Variants in SHANK2 observed in about 807,000 individuals in gnomAD.
SHANK2 encodes the protein SH3 and multiple ankyrin repeat domains 2.
In SHANK2, 43 loss-of-function variants were observed where a neutral mutation model predicts 133.7. That is an observed-to-expected ratio of 0.32 (90% CI 0.25 to 0.41). The LOEUF is 0.41. SHANK2 is among the 10% of genes least tolerant of loss of function. The probability of loss-of-function intolerance (pLI) is 1.00; values close to 1 mark genes in which losing one functional copy is unlikely to be tolerated. For synonymous variants in SHANK2, 1,017 were observed against 952.8 expected (o/e 1.07, Z -1.24); for missense variants, 1,994 against 2,235.8 (o/e 0.89, Z 2.18).
chr11:71,237,924 A>G (rs1555123929), intron 1 of SHANK2, among the ~76,000 whole-genome samples: 1 of 152,226 alleles, frequency 6.6e-6, no homozygotes, highest in Non-Finnish European at 1.5e-5. Flanking sequence ...GGGGTGTGGT[A>G]GAGCAGCCCA....
chr11:70,608,119 G>A (rs1244789607), intron 17 of SHANK2, among the ~76,000 whole-genome samples: 16 of 152,162 alleles, frequency 1.1e-4, no homozygotes, highest in Non-Finnish European at 1.8e-4. Context: ...GTGGGAAATC[G>A]GAATCTGACC....
At chr11:70,661,139 G>T (rs2061481670) in intron 16 of SHANK2, among the ~76,000 whole-genome samples, 2 of 152,162 alleles carry the variant, frequency 1.3e-5, no homozygotes, top group Admixed American at 1.3e-4. Flanking sequence ...TGCCGCCCTT[G>T]GAGCCAAAGC....
In SHANK2 at chr11:70,851,320, T is replaced by C. The variant is rs74883676; in HGVS notation, c.1175-30638A>G. Among the ~76,000 whole-genome samples, 694 of 152,326 alleles carry C rather than the reference T, an allele frequency of 4.6e-3. 10 individuals are homozygous for C. Among genetic ancestry groups the C allele is most frequent in the African/African-American group, 0.016 (667 of 41,570 alleles). ...CTCTGAAATGTAACCTGGCCCTTCA[T>C]CTGGTCACCTGGCTGTCCACAAAGA... On this transcript the variant is annotated intron_variant, in intron 11 of 25. Coordinates refer to ENST00000601538, the MANE Select transcript of SHANK2 (RefSeq NM_012309.5).
Position 70,646,165 on chromosome 11 carries a change from GC to G in SHANK2, c.2061+13662del, listed in dbSNP as rs1338211028. On this transcript the variant is annotated intron_variant, in intron 17 of 25. Coordinates refer to ENST00000601538, the MANE Select transcript of SHANK2 (RefSeq NM_012309.5). ...AGCGTTTGGATCTCCTGTGCTTGGT[GC>G]CCCCTCAAACCCAGGACATTCAGTG... The G allele has an allele frequency of 3.3e-5, 5 of 152,328 alleles. No individual in the cohort carries two copies. In the East Asian group the frequency reaches 7.7e-4, roughly 24 times the overall value. The allele number at this position is 152,328 out of a possible 1,614,324, so 9.4% of individuals were successfully genotyped here. A position where few individuals can be genotyped will look rare whatever the true frequency, so the allele number is the denominator to read the frequency against.
rs1948123070 is a variant in SHANK2 at position 70,804,697 on chromosome 11, C to CA, written c.1663+2304_1663+2305insT. ...TCCTTTGTTGAATCATTCTATCAAA[C>CA]CCAGGGAGTTGGACAGGGGAAGGCC... On this transcript the variant is annotated intron_variant, in intron 13 of 25. Coordinates refer to ENST00000601538, the MANE Select transcript of SHANK2 (RefSeq NM_012309.5). The surrounding 1 kb of genome is among the most constrained non-coding windows in gnomAD (Gnocchi z 4.1). Among the ~76,000 whole-genome samples, 1 of 152,180 alleles carries CA rather than the reference C, an allele frequency of 6.6e-6. No homozygotes were observed. Among genetic ancestry groups the CA allele is most frequent in the Admixed American group, 6.5e-5 (1 of 15,282 alleles).
intron 17 of SHANK2, among the ~76,000 whole-genome samples, chr11:70,598,923 T>C (rs1395775816): frequency 9.0e-6 from 1 of 110,756 alleles, no homozygotes; most frequent in African/African-American, 3.8e-5. Flanking sequence ...ATAAGCTGCA[T>C]GTCAAAAAAA....
At chr11:70,553,252 G>C (rs1554978668) in intron 17 of SHANK2, among the ~76,000 whole-genome samples, 1 of 151,910 alleles carries the variant, frequency 6.6e-6, no homozygotes, top group East Asian at 1.9e-4. Context: ...ACCACGCCAG[G>C]CTAATTTTTT....
chr11:70,697,476 C>T (rs1343627868), intron 15 of SHANK2, among the ~76,000 whole-genome samples: 1 of 151,960 alleles, frequency 6.6e-6, no homozygotes, highest in South Asian at 2.1e-4. Flanking sequence ...TGGGTGGGTG[C>T]GAGGGGCAAT....
chr11:70,507,432 G>C (rs1404429103), intron 17 of SHANK2, among the ~76,000 whole-genome samples: 7 of 152,200 alleles, frequency 4.6e-5, no homozygotes, highest in African/African-American at 1.7e-4. Context: ...AAGCTTCCCA[G>C]GCCAGTCTCC....
chr11:70,621,310 G>C (rs181797300), intron 17 of SHANK2, among the ~76,000 whole-genome samples: 22 of 152,196 alleles, frequency 1.4e-4, no homozygotes, highest in African/African-American at 5.3e-4. Context: ...TGAGGAAACC[G>C]AGGCAGGAGC....
chr11:70,724,340 G>GT (rs1946133458), intron 14 of SHANK2, among the ~76,000 whole-genome samples: 1 of 152,180 alleles, frequency 6.6e-6, no homozygotes, highest in Admixed American at 6.5e-5. Flanking sequence ...CTGGCTCAAA[G>GT]TTCATTCTTA....
At chr11:70,694,511 G>A (rs1555021798) in intron 15 of SHANK2, among the ~76,000 whole-genome samples, 2 of 152,226 alleles carry the variant, frequency 1.3e-5, no homozygotes, top group African/African-American at 4.8e-5. Flanking sequence ...GCCCTGTGCT[G>A]TCTGCCCAGA....
intron 14 of SHANK2, among the ~76,000 whole-genome samples, chr11:70,707,368 A>T (rs1945683530): frequency 1.7e-5 from 2 of 116,786 alleles, no homozygotes; most frequent in Admixed American, 1.9e-4. Flanking sequence ...TGAAAACTCC[A>T]TCTCAAAAAA....
intron 9 of SHANK2, among the ~76,000 whole-genome samples, chr11:71,057,199 A>G (rs1325876551): frequency 1.3e-5 from 2 of 152,036 alleles, no homozygotes; most frequent in Non-Finnish European, 2.9e-5. Flanking sequence ...CCGGGCATGG[A>G]GGCATGCGCC....
intron 17 of SHANK2, among the ~76,000 whole-genome samples, chr11:70,596,047 G>C (rs2060395299): frequency 6.6e-6 from 1 of 152,168 alleles, no homozygotes; most frequent in South Asian, 2.1e-4. Flanking sequence ...TACGGGAAAG[G>C]CAAGAAGGCC....
intron 8 of SHANK2, among the ~76,000 whole-genome samples, chr11:71,083,315 G>A (rs1049188954): frequency 6.6e-6 from 1 of 152,274 alleles, no homozygotes; most frequent in Admixed American, 6.5e-5. Context: ...TGAGGATGAT[G>A]ATGGGGGGAC....
intron 9 of SHANK2, among the ~76,000 whole-genome samples, chr11:71,065,934 GGGGC>G (rs1951050304): frequency 2.1e-4 from 25 of 119,542 alleles, no homozygotes; most frequent in African/African-American, 3.0e-4. Flanking sequence ...GAAGTTGGTG[GGGGC>G]GGGGTACAGA....
intron 13 of SHANK2, among the ~76,000 whole-genome samples, chr11:70,806,050 C>T (rs952175809): frequency 7.2e-5 from 11 of 152,348 alleles, no homozygotes; most frequent in Middle Eastern, 3.4e-3. Flanking sequence ...CAGTGTGTCG[C>T]GCAGAGAAAG....
chr11:70,936,666 C>A (rs572448727), intron 10 of SHANK2, among the ~76,000 whole-genome samples: 1 of 152,198 alleles, frequency 6.6e-6, no homozygotes, highest in Non-Finnish European at 1.5e-5. Context: ...ATGTTAGCAA[C>A]CAAAAGCCAG....
Sources: gnomAD v4.1 joint callset for allele counts (sites outside exome capture counted in the v4.1 genomes callset) on GRCh38, gnomAD v4.1.1 for gene constraint, Gnocchi (gnomAD v3.1) non-coding constraint, MANE v1.5 for transcripts, NCBI Gene and HGNC (gene_info 2026-07-23, HGNC 2026-07-21) for gene names.